The following TTLL5 variants were observed in gnomAD, a reference collection of about 807,000 sequenced individuals.
TTLL5 encodes the protein tubulin polyglutamylase TTLL5.
TTLL5 carries 132 observed loss-of-function variants against 168.4 expected under a neutral mutation model. The observed-to-expected ratio is 0.78, with a 90% CI of 0.68 to 0.91. TTLL5 has a LOEUF of 0.91. TTLL5 is among the 40% of genes least tolerant of loss of function. The pLI is 0.00. For missense variants in TTLL5, 1,545 were observed against 1,581.5 expected (o/e 0.98, Z 0.39); for synonymous variants, 546 against 558.6 (o/e 0.98, Z 0.32).
chr14:75,785,788 G>T lies in TTLL5; in HGVS notation c.2986+2258G>T, dbSNP rs377015551. Among the ~76,000 whole-genome samples, 6 of 152,180 alleles carry T rather than the reference G, an allele frequency of 3.9e-5. No individual in the cohort carries two copies. The East Asian group carries it at 1.2e-3, about 29-fold the overall frequency. On this transcript the variant is annotated intron_variant, in intron 26 of 31. Coordinates refer to ENST00000298832, the MANE Select transcript of TTLL5 (RefSeq NM_015072.5). Reference sequence around the variant, plus strand: ...TTGCTACAGCATTATAGTAAGTTTTGAAATCACCAAGGATGATTGTTCCAA... The same window carrying T: ...TTGCTACAGCATTATAGTAAGTTTTTAAATCACCAAGGATGATTGTTCCAA...
chr14:75,744,514 C>T (rs1205258857), intron 15 of TTLL5: 1 of 152,310 alleles, frequency 6.6e-6, no homozygotes, highest in Non-Finnish European at 1.5e-5. Context: ...TGAAGTCCAG[C>T]AACCACAGTG....
intron 14 of TTLL5, 109 bp downstream of exon 14, chr14:75,734,159 T>C: frequency 1.0e-6 from 1 of 967,030 alleles, no homozygotes; most frequent in Non-Finnish European, 1.6e-6. Flanking sequence ...CCATGCTGAA[T>C]GGTTTGTACT....
intron 28 of TTLL5, among the ~76,000 whole-genome samples, chr14:75,850,924 A>C (rs175903): frequency 0.14 from 21,089 of 151,756 alleles, 1,971 homozygotes; most frequent in East Asian, 0.4. Flanking sequence ...GTGAGACCTC[A>C]TCTCTACAAG....
At chr14:75,733,466 C>CT (rs1371504051) in intron 13 of TTLL5, among the ~76,000 whole-genome samples, 1 of 148,808 alleles carries the variant, frequency 6.7e-6, no homozygotes, top group African/African-American at 2.5e-5. Flanking sequence ...TTTTTTTTTT[C>CT]TTTTTTTGCC....
At chr14:75,925,042 A>G (rs1271276356) in intron 31 of TTLL5, among the ~76,000 whole-genome samples, 1 of 140,736 alleles carries the variant, frequency 7.1e-6, no homozygotes, top group East Asian at 2.2e-4. Context: ...GCGGCCGGGC[A>G]GAGGCGCCCC....
Position 75,783,398 on chromosome 14 carries a change from C to A in TTLL5, c.2854C>A (p.Gln952Lys). 1 of 1,614,216 alleles carries A rather than the reference C, an allele frequency of 6.2e-7. No individual in the cohort carries two copies. ...SASPCLHPGA[Q>K]NIPSPTGLPR... ...TTCTCCCTGCCTACATCCCGGGGCA[C>A]AGAACATCCCAAGCCCTACTGGCCT... Residue 952 changes from glutamine (Q) to lysine (K), a missense_variant, in exon 26 of 32, where the codon CAG becomes AAG. Coordinates refer to ENST00000298832, the MANE Select transcript of TTLL5 (RefSeq NM_015072.5).
chr14:75,896,231 G>GTGTT (rs1555354960), intron 30 of TTLL5, among the ~76,000 whole-genome samples: 2 of 151,610 alleles, frequency 1.3e-5, no homozygotes, highest in Non-Finnish European at 2.9e-5. Flanking sequence ...GCGTATACCT[G>GTGTT]TGTGTGTGTG....
At chr14:75,875,692 C>G (rs1432881090) in intron 29 of TTLL5, among the ~76,000 whole-genome samples, 1 of 152,028 alleles carries the variant, frequency 6.6e-6, no homozygotes, top group Non-Finnish European at 1.5e-5. Flanking sequence ...AAACAGCAGT[C>G]TAGGTCTACG....
intron 27 of TTLL5, among the ~76,000 whole-genome samples, chr14:75,795,654 T>G (rs953443556): frequency 5.9e-5 from 9 of 152,192 alleles, no homozygotes; most frequent in African/African-American, 2.2e-4. Context: ...TAGCTCCTAC[T>G]TATAAGTGAG....
intron 21 of TTLL5, among the ~76,000 whole-genome samples, chr14:75,772,353 A>C (rs1053489903): frequency 1.3e-5 from 2 of 152,188 alleles, no homozygotes; most frequent in South Asian, 2.1e-4. Context: ...CATTGCTTTC[A>C]TGCATTGTAA....
intron 28 of TTLL5, among the ~76,000 whole-genome samples, chr14:75,831,539 T>C (rs990016671): frequency 3.3e-5 from 5 of 152,098 alleles, no homozygotes; most frequent in Non-Finnish European, 7.4e-5. Context: ...CCTGCCTGGC[T>C]GGAGGTTCTG....
chr14:75,669,530 T>A lies in TTLL5; in HGVS notation c.181+8T>A. 6.2e-7 allele frequency: 1 copy of A among 1,612,148 alleles called. No individual in the cohort carries two copies. The highest frequency in any genetic ancestry group is 2.2e-5 in the East Asian group (1 of 44,852). On this transcript the variant is annotated splice_region_variant and intron_variant, in intron 3 of 31. Coordinates refer to ENST00000298832, the MANE Select transcript of TTLL5 (RefSeq NM_015072.5). ...ATATTAGAGTAATTGGAGGTGCGTA[T>A]AACCTCTCCCACAGAGGACGGAGCT...
In TTLL5 at chr14:75,806,952, C is replaced by G. The variant is rs138852500; in HGVS notation, c.3172-13055C>G. 1.7e-3 allele frequency among the ~76,000 whole-genome samples: 258 copies of G among 152,100 alleles called. 5 individuals are homozygous for G. The highest frequency in any genetic ancestry group is 5.8e-3 in the African/African-American group (240 of 41,468). ...AAGTCATCTTTCTATTCTGTGTGCT[C>G]CTTCATTCCTTCATTACTTTTTATA... On this transcript the variant is annotated intron_variant, in intron 27 of 31. Transcript: ENST00000298832.
At chr14:75,766,626 G>A (rs1372552736) in intron 20 of TTLL5, among the ~76,000 whole-genome samples, 2 of 152,120 alleles carry the variant, frequency 1.3e-5, no homozygotes, top group African/African-American at 2.4e-5. Context: ...TGAGTATAAG[G>A]TAACTGGGAC....
intron 29 of TTLL5, among the ~76,000 whole-genome samples, chr14:75,865,363 A>C (rs2030427298): frequency 1.3e-5 from 2 of 151,952 alleles, no homozygotes; most frequent in Admixed American, 1.3e-4. Flanking sequence ...ACTTAATCAG[A>C]TACTGGATAG....
At chr14:75,951,799 G>A (rs2034969887) in intron 31 of TTLL5, among the ~76,000 whole-genome samples, 1 of 150,768 alleles carries the variant, frequency 6.6e-6, no homozygotes, top group South Asian at 2.1e-4. Flanking sequence ...GTCACAAACT[G>A]GGTGAAGATG....
chr14:75,871,356 A>G (rs2031017684), intron 29 of TTLL5, among the ~76,000 whole-genome samples: 1 of 152,102 alleles, frequency 6.6e-6, no homozygotes, highest in South Asian at 2.1e-4. Flanking sequence ...AGTTTGGGTA[A>G]CTTAGCCAAG....
intron 31 of TTLL5, among the ~76,000 whole-genome samples, chr14:75,917,044 G>T (rs1566659300): frequency 6.6e-6 from 1 of 152,184 alleles, no homozygotes; most frequent in Non-Finnish European, 1.5e-5. Flanking sequence ...AGGGGAATAG[G>T]ATGTTTTTGT....
intron 29 of TTLL5, among the ~76,000 whole-genome samples, chr14:75,875,535 C>A: frequency 6.8e-6 from 1 of 147,312 alleles, no homozygotes. Context: ...AGTGAGACTC[C>A]ATCTCAAAAA....
Sources: gnomAD v4.1 joint callset for allele counts (sites outside exome capture counted in the v4.1 genomes callset) on GRCh38, gnomAD v4.1.1 for gene constraint, MANE v1.5 for transcripts, NCBI Gene and HGNC (gene_info 2026-07-23, HGNC 2026-07-21) for gene names.